ARHGAP24: variants seen among roughly 807,000 people sequenced by gnomAD.
ARHGAP24 encodes the protein Rho GTPase activating protein 24, also known as rho GTPase-activating protein 24.
A neutral mutation model predicts 76.4 loss-of-function variants in ARHGAP24; 50 were observed. That is an observed-to-expected ratio of 0.65 (90% CI 0.52 to 0.83). ARHGAP24 has a LOEUF of 0.83. Ranked by LOEUF, ARHGAP24 falls within the 40% of genes least tolerant of loss-of-function variation. The probability of loss-of-function intolerance (pLI) is 0.00; values close to 1 mark genes in which losing one functional copy is unlikely to be tolerated. For synonymous variants in ARHGAP24, 345 were observed against 323.3 expected (o/e 1.07, Z -0.72); for missense variants, 930 against 914.2 (o/e 1.02, Z -0.22).
At chr4:85,992,308 A>G (rs1220206552) in intron 8 of ARHGAP24, 3 of 389,076 alleles carry the variant, frequency 7.7e-6, no homozygotes, top group South Asian at 2.9e-4. Flanking sequence ...ATGGCCATTT[A>G]TTGTCCCAGA....
intron 5 of ARHGAP24, among the ~76,000 whole-genome samples, chr4:85,959,464 C>T (rs190760443): frequency 2.0e-5 from 3 of 152,188 alleles, no homozygotes; most frequent in African/African-American, 7.2e-5. Flanking sequence ...TTTTACCCAG[C>T]CCCTATTCTA....
At chr4:85,894,845 C>T (rs1467127146) in intron 3 of ARHGAP24, among the ~76,000 whole-genome samples, 1 of 151,180 alleles carries the variant, frequency 6.6e-6, no homozygotes, top group Admixed American at 6.6e-5. Context: ...CCTGTAATCC[C>T]AGTTACTCAG....
rs1410944472 is a variant in ARHGAP24, at chr4:85,972,135, A to G, written c.699A>G (p.Ser233=). 1 of 1,613,730 alleles carries G rather than the reference A, an allele frequency of 6.2e-7. No homozygotes were observed. Among genetic ancestry groups the G allele is most frequent in the Non-Finnish European group, 8.5e-7 (1 of 1,179,960 alleles). ...IPYAKYEDFL[S]CAKLLSKEEE... ...ATGCGAAGTATGAAGATTTTTTGTC[A>G]TGTGCCAAACTGCTCAGCAAGGAAG... Residue 233 remains serine (S), a synonymous_variant, in exon 6 of 10, where the codon TCA becomes TCG. Transcript: ENST00000395184.
chr4:85,995,804 T>C, intron 9 of ARHGAP24, 147 bp downstream of exon 9: 1 of 801,088 alleles, frequency 1.2e-6, no homozygotes, highest in Non-Finnish European at 2.1e-6. Flanking sequence ...TGTGACTGTG[T>C]GCAAGTTAGC....
intron 8 of ARHGAP24, among the ~76,000 whole-genome samples, 169 bp downstream of exon 8, chr4:85,977,860 TA>T (rs935713683): frequency 2.0e-5 from 3 of 152,256 alleles, no homozygotes; most frequent in African/African-American, 4.8e-5. Flanking sequence ...GAAAGTCAGA[TA>T]TTTTTTGTTT....
chr4:85,901,807 A>ATT (rs150837257), intron 3 of ARHGAP24, among the ~76,000 whole-genome samples: 1,559 of 150,760 alleles, frequency 0.01, 20 homozygotes, highest in African/African-American at 0.035. Context: ...TATCTGCCAC[A>ATT]TTTTTTTTTG....
At chr4:85,766,407 C>T (rs1454018289) in intron 3 of ARHGAP24, among the ~76,000 whole-genome samples, 1 of 152,076 alleles carries the variant, frequency 6.6e-6, no homozygotes, top group Non-Finnish European at 1.5e-5. Context: ...TAAAATTGAA[C>T]TATTCTTTTT....
chr4:85,944,616 G>C (rs931609419), intron 5 of ARHGAP24, among the ~76,000 whole-genome samples: 1 of 151,980 alleles, frequency 6.6e-6, no homozygotes, highest in Non-Finnish European at 1.5e-5. Context: ...CCATTGCTTT[G>C]GTGTTTTAGT....
At chr4:85,784,947 CTATCTATCTA>C (rs1727755745) in intron 3 of ARHGAP24, among the ~76,000 whole-genome samples, 1 of 150,288 alleles carries the variant, frequency 6.7e-6, no homozygotes, top group African/African-American at 2.5e-5. Context: ...ATCTATCTAT[CTATCTATCTA>C]TCTCTCTATC....
chr4:85,900,106 T>C (rs952871145), intron 3 of ARHGAP24, among the ~76,000 whole-genome samples: 1 of 152,178 alleles, frequency 6.6e-6, no homozygotes, highest in Non-Finnish European at 1.5e-5. Flanking sequence ...CAAAGTAAAA[T>C]TGAAGTAATC....
chr4:85,541,542 G>A (rs72967871), intron 1 of ARHGAP24, among the ~76,000 whole-genome samples: 18,659 of 151,810 alleles, frequency 0.12, 3,252 homozygotes, highest in African/African-American at 0.39. Context: ...TGTGTCTAGC[G>A]TCTTTAGCTT....
At chr4:85,930,947 A>G in intron 4 of ARHGAP24, 1 of 1,614,052 alleles carries the variant, frequency 6.2e-7, no homozygotes, top group Non-Finnish European at 8.5e-7. Flanking sequence ...GAAGACCGGA[A>G]TTCTGGGGGG....
intron 2 of ARHGAP24, among the ~76,000 whole-genome samples, chr4:85,618,411 C>G (rs1053402577): frequency 6.6e-6 from 1 of 152,028 alleles, no homozygotes; most frequent in East Asian, 1.9e-4. Context: ...ATTCCATATC[C>G]TGGCTATTGT....
At chr4:85,971,043 A>T (rs1056932865) in intron 5 of ARHGAP24, among the ~76,000 whole-genome samples, 4 of 152,180 alleles carry the variant, frequency 2.6e-5, no homozygotes, top group African/African-American at 9.6e-5. Flanking sequence ...TATGTAAAGG[A>T]CGTTAAGTTT....
At chr4:85,662,398 T>C (rs911542801) in intron 2 of ARHGAP24, among the ~76,000 whole-genome samples, 2 of 150,978 alleles carry the variant, frequency 1.3e-5, no homozygotes, top group Admixed American at 6.6e-5. Context: ...TTTGAGTTCA[T>C]TGTAGATTTT....
At chr4:85,626,396 GTC>G in intron 2 of ARHGAP24, among the ~76,000 whole-genome samples, 1 of 152,036 alleles carries the variant, frequency 6.6e-6, no homozygotes, top group African/African-American at 2.4e-5. Context: ...TTGATTATTG[GTC>G]CCCACTCTCT....
intron 1 of ARHGAP24, among the ~76,000 whole-genome samples, chr4:85,527,081 T>C (rs916451596): frequency 3.9e-5 from 6 of 152,120 alleles, no homozygotes; most frequent in African/African-American, 9.7e-5. Flanking sequence ...GTAATGTGTA[T>C]AGGCACTTTA....
chr4:85,545,380 G>A (rs1026152777), intron 1 of ARHGAP24, among the ~76,000 whole-genome samples: 5 of 152,074 alleles, frequency 3.3e-5, no homozygotes, highest in African/African-American at 9.7e-5. Context: ...GATTACAGAC[G>A]TGAGCCACCA....
intron 4 of ARHGAP24, among the ~76,000 whole-genome samples, chr4:85,941,343 G>A (rs1427006239): frequency 2.0e-5 from 3 of 152,134 alleles, no homozygotes; most frequent in East Asian, 3.9e-4. Context: ...CTAAAACTTG[G>A]CCTTCTTTTT....
Sources: gnomAD v4.1 joint callset for allele counts (sites outside exome capture counted in the v4.1 genomes callset) on GRCh38, gnomAD v4.1.1 for gene constraint, MANE v1.5 for transcripts, NCBI Gene and HGNC (gene_info 2026-07-23, HGNC 2026-07-21) for gene names.